Variants in PRIMA1 observed in about 807,000 individuals in gnomAD.
The protein encoded by PRIMA1 is proline rich membrane anchor 1.
PRIMA1 carries 7 observed loss-of-function variants against 17.5 expected under a neutral mutation model. The ratio of observed to expected loss-of-function variants is 0.40; its 90% CI spans 0.23 to 0.75. The LOEUF is 0.75. Among genes scored for constraint, PRIMA1 ranks in the 30% least tolerant of loss-of-function variants. The pLI, the probability that PRIMA1 is intolerant of heterozygous loss-of-function variation, is 0.37. For synonymous variants in PRIMA1, 97 were observed against 77.9 expected (o/e 1.25, Z -1.29); for missense variants, 200 against 201.8 (o/e 0.99, Z 0.05).
chr14:93,725,686 T>G (rs60488639), intron 4 of PRIMA1: 199,125 of 318,842 alleles, frequency 0.62, 63,490 homozygotes, highest in Admixed American at 0.69. Context: ...CGTTAGTCCA[T>G]GTCAAGCACT....
At chr14:93,784,416 CCT>C (rs1885465207) in intron 2 of PRIMA1, among the ~76,000 whole-genome samples, 1 of 152,152 alleles carries the variant, frequency 6.6e-6, no homozygotes, top group African/African-American at 2.4e-5. Context: ...AATCCTCCTG[CCT>C]TGGCTTCCCG....
At chr14:93,783,464 G>A (rs948363717) in intron 2 of PRIMA1, among the ~76,000 whole-genome samples, 3 of 152,174 alleles carry the variant, frequency 2.0e-5, no homozygotes, top group African/African-American at 7.2e-5. Flanking sequence ...GTTGTATTTA[G>A]ACCAATAGAG....
chr14:93,779,483 G>A (rs1230282959), intron 2 of PRIMA1, among the ~76,000 whole-genome samples, 172 bp from the exon 3 acceptor site: 1 of 152,202 alleles, frequency 6.6e-6, no homozygotes, highest in Non-Finnish European at 1.5e-5. Context: ...GGACAATGTT[G>A]TTGGCGGTTG....
At chr14:93,737,133 T>TCAA in intron 4 of PRIMA1, 108 bp downstream of exon 4, 1 of 1,118,514 alleles carries the variant, frequency 8.9e-7, no homozygotes, top group Non-Finnish European at 1.3e-6. Context: ...TCTTATATGC[T>TCAA]TAACAACTTT....
rs541417962 is a variant in PRIMA1, at chr14:93,720,873, G to C, written c.*571C>G. 2.6e-3 allele frequency: 394 copies of C among 153,224 alleles called. 1 individual carries two copies. Among genetic ancestry groups the C allele is most frequent in the Middle Eastern group, 3.4e-3 (1 of 294 alleles). The allele number at this position is 153,224 out of a possible 1,614,324, so 9.5% of individuals were successfully genotyped here. A position where few individuals can be genotyped will look rare whatever the true frequency, so the allele number is the denominator to read the frequency against. On this transcript the variant is annotated 3_prime_UTR_variant, in exon 5 of 5. Coordinates refer to ENST00000393140, the MANE Select transcript of PRIMA1 (RefSeq NM_178013.4). ...AGGGTGTCAGTGGGGATAGGAGGGA[G>C]AAGGCAGGCCCTGAAGATTGACAAC...
chr14:93,783,664 C>T (rs762095231), intron 2 of PRIMA1, among the ~76,000 whole-genome samples: 4 of 152,236 alleles, frequency 2.6e-5, no homozygotes, highest in Admixed American at 6.5e-5. Flanking sequence ...GGTTTCAGTA[C>T]TTCCTGGGAC....
chr14:93,741,670 C>T (rs527338322), intron 3 of PRIMA1, among the ~76,000 whole-genome samples: 4 of 152,130 alleles, frequency 2.6e-5, no homozygotes, highest in African/African-American at 4.8e-5. Flanking sequence ...GGAAGAGGCA[C>T]GCATGAATTG....
At chr14:93,747,545 AGT>A in intron 3 of PRIMA1, among the ~76,000 whole-genome samples, 1 of 151,700 alleles carries the variant, frequency 6.6e-6, no homozygotes, top group East Asian at 1.9e-4. Flanking sequence ...GGAGTGTGTG[AGT>A]GTGTGAGAGT....
intron 3 of PRIMA1, among the ~76,000 whole-genome samples, chr14:93,769,762 C>T (rs897647218): frequency 6.6e-6 from 1 of 152,206 alleles, no homozygotes; most frequent in Non-Finnish European, 1.5e-5. Flanking sequence ...CTCTGGTTTG[C>T]ACCAGCAGCA....
chr14:93,757,874 A>G (rs1297233634), intron 3 of PRIMA1, among the ~76,000 whole-genome samples: 1 of 152,120 alleles, frequency 6.6e-6, no homozygotes, highest in African/African-American at 2.4e-5. Flanking sequence ...TGAAGGAGGG[A>G]GCCTCTCCTC....
At chr14:93,761,010 G>A (rs563941271) in intron 3 of PRIMA1, among the ~76,000 whole-genome samples, 1 of 152,128 alleles carries the variant, frequency 6.6e-6, no homozygotes, top group South Asian at 2.1e-4. Context: ...TCATCCCTAT[G>A]GTCAGAATCT....
At chr14:93,759,887 A>G (rs2076316339) in intron 3 of PRIMA1, among the ~76,000 whole-genome samples, 1 of 152,208 alleles carries the variant, frequency 6.6e-6, no homozygotes, top group Non-Finnish European at 1.5e-5. Flanking sequence ...CGGCCTGGAC[A>G]TCACAGTCTG....
intron 4 of PRIMA1, 129 bp from the exon 5 acceptor site, chr14:93,721,675 A>G: frequency 1.5e-6 from 1 of 651,100 alleles, no homozygotes; most frequent in Non-Finnish European, 2.8e-6. Context: ...AAGGAAGCCA[A>G]TGGCTCTGTC....
At position 93,733,504 on chromosome 14, in the gene PRIMA1, C is replaced by T. The variant is rs563179600; in HGVS notation, c.359+3737G>A. Among the ~76,000 whole-genome samples the T allele has an allele frequency of 3.0e-4, 46 of 152,110 alleles. 1 individual carries two copies. The South Asian group carries it at 8.5e-3, about 28-fold the overall frequency. ...CCCGTCCCTGCCGAGGCCCGTGTCC[C>T]GGCAGCTGACACCCCCAGGTGCCAA... On this transcript the variant is annotated intron_variant, in intron 4 of 4. Transcript: ENST00000393140.
At chr14:93,741,866 C>G (rs2076186431) in intron 3 of PRIMA1, among the ~76,000 whole-genome samples, 1 of 152,084 alleles carries the variant, frequency 6.6e-6, no homozygotes, top group Non-Finnish European at 1.5e-5. Flanking sequence ...AACAGAAAGG[C>G]AGGAGTTGAC....
chr14:93,760,086 C>T (rs535210314), intron 3 of PRIMA1, among the ~76,000 whole-genome samples: 5 of 152,344 alleles, frequency 3.3e-5, no homozygotes, highest in Admixed American at 3.3e-4. Context: ...CAGGAGCAGA[C>T]GGAGAGGCAG....
At chr14:93,725,096 C>T (rs114041495) in intron 4 of PRIMA1, among the ~76,000 whole-genome samples, 211 of 152,206 alleles carry the variant, frequency 1.4e-3, no homozygotes, top group African/African-American at 4.9e-3. Context: ...GCAGGAGGAC[C>T]CTGGAAGGCA....
At position 93,718,303 on chromosome 14, in the gene PRIMA1, C is replaced by G. The variant is rs2076016229; in HGVS notation, c.*3141G>C. ...CCCACAAATGACAACTGACAGACAT[C>G]TCTATATTTTTATTGAAAATAAAAA... On this transcript the variant is annotated 3_prime_UTR_variant, in exon 5 of 5. Transcript: ENST00000393140. 1 of 152,024 alleles carries G rather than the reference C, an allele frequency of 6.6e-6. No individual in the cohort carries two copies. Among genetic ancestry groups the G allele is most frequent in the South Asian group, 2.1e-4 (1 of 4,828 alleles). The allele number at this position is 152,024 out of a possible 1,614,324, so 9.4% of individuals were successfully genotyped here.
intron 2 of PRIMA1, among the ~76,000 whole-genome samples, chr14:93,780,198 T>C (rs1885340454): frequency 6.6e-6 from 1 of 152,262 alleles, no homozygotes; most frequent in Non-Finnish European, 1.5e-5. Flanking sequence ...AGCTTGGCGA[T>C]GACCTCACAG....
Sources: allele counts gnomAD v4.1 joint callset (sites outside exome capture counted in the v4.1 genomes callset), GRCh38; gene constraint gnomAD v4.1.1; transcripts MANE v1.5; gene names NCBI Gene and HGNC (gene_info 2026-07-23, HGNC 2026-07-21).